Variants in USF3 observed in about 807,000 individuals in gnomAD.
USF3 encodes basic helix-loop-helix domain-containing protein USF3.
Under a neutral mutation model 157.5 loss-of-function variants are expected in USF3, and 29 were observed. The ratio of observed to expected loss-of-function variants is 0.18; its 90% CI spans 0.14 to 0.25. The LOEUF (loss-of-function observed/expected upper bound fraction) is 0.25, where lower values mean the gene tolerates loss of function less well. Ranked by LOEUF, USF3 falls within the 10% of genes least tolerant of loss-of-function variation. The probability of loss-of-function intolerance (pLI) is 1.00; values close to 1 mark genes in which losing one functional copy is unlikely to be tolerated. For missense variants in USF3, 2,381 were observed against 2,667.6 expected (o/e 0.89, Z 2.37); for synonymous variants, 893 against 941.4 (o/e 0.95, Z 0.94).
At chr3:113,675,309 C>T (rs1020216750) in intron 2 of USF3, among the ~76,000 whole-genome samples, 2 of 152,120 alleles carry the variant, frequency 1.3e-5, no homozygotes, top group African/African-American at 4.8e-5. Flanking sequence ...TGGTTCCCTA[C>T]TCTGAACACA....
chr3:113,675,608 T>C (rs530819900), intron 2 of USF3, among the ~76,000 whole-genome samples: 247 of 152,342 alleles, frequency 1.6e-3, no homozygotes, highest in Middle Eastern at 6.8e-3. Flanking sequence ...ATTTTGGTGA[T>C]TTCATTCTCT....
Position 113,658,377 on chromosome 3 carries a change from G to T in USF3, c.3305C>A (p.Ser1102Tyr). ...SGSSRSFSVASMLPETTREDV... is the reference protein window; with the variant it reads ...SGSSRSFSVAYMLPETTREDV... ...TTCTCTTGTTGTTTCAGGAAGCATG[G>T]ATGCAACTGAGAAACTACGACTACT... Residue 1102 changes from serine to tyrosine, a missense_variant, in exon 7 of 7, where the codon TCC becomes TAC. By Grantham distance (144) the Ser-to-Tyr change is moderately radical. Transcript: ENST00000316407. 6.2e-7 allele frequency: 1 copy of T among 1,614,130 alleles called. No homozygotes were observed.
At chr3:113,661,997 C>A (rs893278013) in intron 6 of USF3, among the ~76,000 whole-genome samples, 2 of 152,160 alleles carry the variant, frequency 1.3e-5, no homozygotes, top group Non-Finnish European at 2.9e-5. Context: ...CAGGTGCGCA[C>A]CAACACTCCC....
Position 113,660,912 on chromosome 3 carries a change from A to G in USF3, c.770T>C (p.Ile257Thr), listed in dbSNP as rs372783535. ...NVLGATSGSL[I>T]AVSIESEPHQ... ...AGGCTCAGATTCAATTGAAACAGCA[A>G]TCAGTGAGCCACTAGTGGCACCAAG... is the stretch of plus-strand genomic sequence containing the variant. The change falls in exon 7 of 7, where the codon ATT becomes ACT. Residue 257 changes from isoleucine to threonine, a missense_variant. Physicochemically the swap from Ile to Thr is moderately conservative, Grantham distance 89. Transcript: ENST00000316407. 4 of 1,614,078 alleles carry G rather than the reference A, an allele frequency of 2.5e-6. No individual in the cohort carries two copies. In the African/African-American group the frequency reaches 4.0e-5, roughly 16 times the overall value.
chr3:113,667,602 G>T (rs917284565), intron 5 of USF3, among the ~76,000 whole-genome samples: 1 of 152,150 alleles, frequency 6.6e-6, no homozygotes, highest in East Asian at 1.9e-4. Flanking sequence ...ACATGGAGCC[G>T]GGCATTGTAA....
intron 1 of USF3, among the ~76,000 whole-genome samples, chr3:113,686,713 C>A (rs1441855683): frequency 6.6e-6 from 1 of 152,232 alleles, no homozygotes; most frequent in African/African-American, 2.4e-5. Flanking sequence ...TACATGACAT[C>A]TTTCCCAGCT....
rs1233793969 is a variant in USF3 at position 113,659,576 on chromosome 3, A to G, written c.2106T>C (p.Asn702=). ...AAGCACCAAATGTATTCAGGGCAAC[A>G]TTGGTATTTGGATCTTCGCTGGTGG... The part of the protein sequence containing the change: ...QPTTSEDPNT[N]VALNTFGALA... The change falls in exon 7 of 7, where the codon AAT becomes AAC. Residue 702 remains asparagine (N), a synonymous_variant. Transcript: ENST00000316407. 1.2e-6 allele frequency: 2 copies of G among 1,614,072 alleles called. No homozygotes were observed. The highest frequency in any genetic ancestry group is 1.1e-5 in the South Asian group (1 of 91,084).
chr3:113,687,237 A>ACACATATG (rs1198131337), intron 1 of USF3, among the ~76,000 whole-genome samples: 1 of 149,254 alleles, frequency 6.7e-6, no homozygotes, highest in African/African-American at 2.5e-5. Flanking sequence ...AGTCACACAC[A>ACACATATG]CACACACACA....
In USF3 at chr3:113,657,544, G is replaced by C; in HGVS notation, c.4138C>G (p.Pro1380Ala). 6.2e-7 allele frequency: 1 copy of C among 1,614,152 alleles called. No homozygotes were observed. Among genetic ancestry groups the C allele is most frequent in the Non-Finnish European group, 8.5e-7 (1 of 1,180,018 alleles). ...GGCACAACTGAGTTTGAAGAATTAG[G>C]AGGGATCTGACTGACCATCATTTGA... ...QTQMMVSQIP[P>A]NSSNSVVPVS... The change falls in exon 7 of 7, where the codon CCT (proline) becomes GCT (alanine). Residue 1380 changes from proline (P) to alanine (A), a missense_variant. This residue lies in a region of USF3 where 1,435 missense variants were observed against 1,550.9 expected (regional missense o/e 0.93). Coordinates refer to ENST00000316407, the MANE Select transcript of USF3 (RefSeq NM_001009899.4).
intron 1 of USF3, among the ~76,000 whole-genome samples, chr3:113,679,593 T>C (rs1226303858): frequency 2.0e-5 from 3 of 152,002 alleles, no homozygotes; most frequent in African/African-American, 4.8e-5. Flanking sequence ...TTTGTATTTT[T>C]AGTAGAGACG....
intron 6 of USF3, among the ~76,000 whole-genome samples, chr3:113,662,818 T>C (rs547781291): frequency 6.6e-6 from 1 of 152,180 alleles, no homozygotes; most frequent in Non-Finnish European, 1.5e-5. Flanking sequence ...ATAAGAACCA[T>C]GAGATGGCAA....
chr3:113,669,159 C>T (rs1707083043), intron 5 of USF3, among the ~76,000 whole-genome samples: 1 of 151,994 alleles, frequency 6.6e-6, no homozygotes, highest in African/African-American at 2.4e-5. Context: ...AACATAAAAA[C>T]TGAATACCAA....
chr3:113,666,132 C>T (rs1214595715), intron 5 of USF3, among the ~76,000 whole-genome samples: 1 of 149,060 alleles, frequency 6.7e-6, no homozygotes, highest in African/African-American at 2.5e-5. Context: ...TGTGGTGAGC[C>T]GAGATTGTGC....
At chr3:113,663,759 C>T (rs1472145645) in intron 6 of USF3, among the ~76,000 whole-genome samples, 2 of 152,192 alleles carry the variant, frequency 1.3e-5, no homozygotes, top group Non-Finnish European at 2.9e-5. Flanking sequence ...AACTTTCTCT[C>T]CAATGCTAAT....
chr3:113,658,279 G>C lies in USF3; in HGVS notation c.3403C>G (p.Leu1135Val). ...TGGTCAAAAATAGCTCTTGCTGCAA[G>C]AGCTACTATATCAGTTTGCTCTACA... The part of the protein sequence containing the change: ...TFVEQTDIVA[L>V]AARAIFDQEN... Residue 1135 changes from leucine to valine, a missense_variant, in exon 7 of 7, where the codon CTT becomes GTT. Leu to Val is a conservative substitution (Grantham distance 32). Transcript: ENST00000316407. 3 of 1,614,120 alleles carry C rather than the reference G, an allele frequency of 1.9e-6. No individual in the cohort carries two copies. Among genetic ancestry groups the C allele is most frequent in the Admixed American group, 1.7e-5 (1 of 60,012 alleles).
At chr3:113,673,098 A>G (rs1034037187) in intron 4 of USF3, among the ~76,000 whole-genome samples, 7 of 152,198 alleles carry the variant, frequency 4.6e-5, no homozygotes, top group Non-Finnish European at 8.8e-5. Context: ...AAATCACTTA[A>G]AACACTAGCT....
chr3:113,693,571 G>A (rs1707735895), intron 1 of USF3, among the ~76,000 whole-genome samples: 1 of 152,188 alleles, frequency 6.6e-6, no homozygotes, highest in Admixed American at 6.5e-5. Context: ...TGCAGGAAGA[G>A]TCAGAAGGGT....
Position 113,653,739 on chromosome 3 carries a change from C to A in USF3, c.*1205G>T, listed in dbSNP as rs537115792. On this transcript the variant is annotated 3_prime_UTR_variant, in exon 7 of 7. Coordinates refer to ENST00000316407, the MANE Select transcript of USF3 (RefSeq NM_001009899.4). ...CAATTCATACTTTAAAATATGTGTA[C>A]ACACACACACACATACTTACACACA... The A allele has an allele frequency of 6.7e-6, 1 of 149,760 alleles. No individual in the cohort carries two copies. The highest frequency in any genetic ancestry group is 6.7e-5 in the Admixed American group (1 of 14,966). The allele number at this position is 149,760 out of a possible 1,614,324, so 9.3% of individuals were successfully genotyped here. A position where few individuals can be genotyped will look rare whatever the true frequency, so the allele number is the denominator to read the frequency against.
rs368643766 is a variant in USF3 at position 113,656,395 on chromosome 3, G to A, written c.5287C>T (p.Pro1763Ser). 6.2e-7 allele frequency: 1 copy of A among 1,614,096 alleles called. No homozygotes were observed. The change falls in exon 7 of 7, where the codon CCT becomes TCT. Residue 1763 changes from proline (P) to serine (S), a missense_variant. This residue lies in a region of USF3 where 770 missense variants were observed against 824.2 expected (regional missense o/e 0.93). Coordinates refer to ENST00000316407, the MANE Select transcript of USF3 (RefSeq NM_001009899.4). ...QSSRNNEIGN[P>S]VSSLRSMQSQ... ...TGCATACTCCGCAATGATGATACAG[G>A]GTTACCTATTTCATTGTTTCTTGAA...
Sources: allele counts gnomAD v4.1 joint callset (sites outside exome capture counted in the v4.1 genomes callset), GRCh38; gene constraint gnomAD v4.1.1; regional missense constraint gnomAD v4.1.1; transcripts MANE v1.5; gene names NCBI Gene and HGNC (gene_info 2026-07-23, HGNC 2026-07-21).